LRRTM3: variants seen among roughly 807,000 people sequenced by gnomAD.
LRRTM3 encodes leucine rich repeat transmembrane neuronal 3.
Under a neutral mutation model 44.7 loss-of-function variants are expected in LRRTM3, and 24 were observed. The observed-to-expected ratio is 0.54, with a 90% CI of 0.39 to 0.76. The LOEUF (loss-of-function observed/expected upper bound fraction) is 0.76. Ranked by LOEUF, LRRTM3 falls within the 30% of genes least tolerant of loss-of-function variation. The probability of loss-of-function intolerance (pLI) is 0.00; values close to 1 mark genes in which losing one functional copy is unlikely to be tolerated. For synonymous variants in LRRTM3, 277 were observed against 278.7 expected (o/e 0.99, Z 0.06); for missense variants, 587 against 702.2 (o/e 0.84, Z 1.85).
At chr10:67,094,471 A>G (rs1857845288) in intron 2 of LRRTM3, among the ~76,000 whole-genome samples, 1 of 151,768 alleles carries the variant, frequency 6.6e-6, no homozygotes, top group African/African-American at 2.4e-5. Flanking sequence ...TAATTGGGGG[A>G]ACAGTGTATA....
intron 2 of LRRTM3, among the ~76,000 whole-genome samples, chr10:67,025,575 A>G (rs1301838619): frequency 6.6e-6 from 1 of 152,204 alleles, no homozygotes; most frequent in Non-Finnish European, 1.5e-5. Flanking sequence ...GTTACTGAGA[A>G]TAGCTCGGTT....
intron 2 of LRRTM3, among the ~76,000 whole-genome samples, chr10:66,979,353 T>C (rs947261685): frequency 3.3e-5 from 5 of 152,174 alleles, no homozygotes; most frequent in African/African-American, 1.2e-4. Context: ...TAGTATTCAA[T>C]TGAGTTTTAA....
chr10:66,980,595 G>C (rs892133878), intron 2 of LRRTM3, among the ~76,000 whole-genome samples: 3 of 147,972 alleles, frequency 2.0e-5, no homozygotes, highest in African/African-American at 7.5e-5. Flanking sequence ...AGCCAAATGA[G>C]TAGCAACGTG....
At chr10:66,928,905 G>A (rs1051514340) in intron 2 of LRRTM3, among the ~76,000 whole-genome samples, 24 of 152,134 alleles carry the variant, frequency 1.6e-4, no homozygotes, top group Non-Finnish European at 2.8e-4. Context: ...GCTGATTCTT[G>A]GAGATGACTC....
In LRRTM3 at chr10:67,099,233, G is replaced by C. The variant is rs1490366345; in HGVS notation, c.*1437G>C. The C allele has an allele frequency of 1.3e-5, 2 of 151,622 alleles. No individual in the cohort carries two copies. The highest frequency in any genetic ancestry group is 2.4e-5 in the African/African-American group (1 of 41,340). 9.4% of individuals were successfully genotyped at this position (151,622 alleles called of 1,614,324 possible). A position where few individuals can be genotyped will look rare whatever the true frequency, so the allele number is the denominator to read the frequency against. ...ATTAAGAAAACCTGAGTCTTTAGAAGCTGAAATAATCAACTTGTTTGTGCT... is the reference window on the plus strand; with the variant it reads ...ATTAAGAAAACCTGAGTCTTTAGAACCTGAAATAATCAACTTGTTTGTGCT... On this transcript the variant is annotated 3_prime_UTR_variant, in exon 3 of 3. Coordinates refer to ENST00000361320, the MANE Select transcript of LRRTM3 (RefSeq NM_178011.5).
chr10:66,937,365 A>C (rs1250139696), intron 2 of LRRTM3, among the ~76,000 whole-genome samples: 3 of 152,204 alleles, frequency 2.0e-5, no homozygotes, highest in African/African-American at 7.2e-5. Flanking sequence ...TCTAATACTC[A>C]TAAAGATCCT....
chr10:66,968,859 C>A (rs1925559), intron 2 of LRRTM3, among the ~76,000 whole-genome samples: 141,991 of 151,852 alleles, frequency 0.94, 66,916 homozygotes, highest in East Asian at 1. Context: ...TCTACCAAAA[C>A]TACAAAAATT....
intron 2 of LRRTM3, among the ~76,000 whole-genome samples, chr10:66,992,449 T>C (rs1851092382): frequency 6.6e-6 from 1 of 152,056 alleles, no homozygotes; most frequent in South Asian, 2.1e-4. Context: ...TCCTAGGAGT[T>C]CTTAGTATTA....
intron 2 of LRRTM3, among the ~76,000 whole-genome samples, chr10:67,071,450 T>C (rs971853318): frequency 6.6e-6 from 1 of 152,006 alleles, no homozygotes; most frequent in Non-Finnish European, 1.5e-5. Flanking sequence ...TCATTTATCT[T>C]CTCACTTCTT....
At chr10:66,987,375 T>C (rs144919955) in intron 2 of LRRTM3, among the ~76,000 whole-genome samples, 1 of 152,264 alleles carries the variant, frequency 6.6e-6, no homozygotes, top group East Asian at 1.9e-4. Flanking sequence ...GGACTTATAT[T>C]TGAAGGTAGA....
chr10:67,052,139 T>C (rs576390645), intron 2 of LRRTM3, among the ~76,000 whole-genome samples: 55 of 152,292 alleles, frequency 3.6e-4, no homozygotes, highest in African/African-American at 1.3e-3. Context: ...CTTACCTAGT[T>C]ACAAGCATTG....
At position 67,101,067 on chromosome 10, in the gene LRRTM3, C is replaced by A. The variant is rs914881970; in HGVS notation, c.*3271C>A. On this transcript the variant is annotated 3_prime_UTR_variant, in exon 3 of 3. Transcript: ENST00000361320. ...AATTATTTCTGTGTTCTACTCTGGG[C>A]TCTCACATTAAAACTCTGTTCAAAA... 6.6e-6 allele frequency among the ~76,000 whole-genome samples: 1 copy of A among 151,744 alleles called. No individual in the cohort carries two copies. The highest frequency in any genetic ancestry group is 2.1e-4 in the South Asian group (1 of 4,830).
intron 2 of LRRTM3, among the ~76,000 whole-genome samples, chr10:66,965,141 C>G (rs1341972745): frequency 6.6e-6 from 1 of 152,134 alleles, no homozygotes; most frequent in East Asian, 1.9e-4. Context: ...GCCAAAAAGA[C>G]AGCTGGGAGC....
At chr10:67,022,343 G>A (rs1853073061) in intron 2 of LRRTM3, among the ~76,000 whole-genome samples, 1 of 152,130 alleles carries the variant, frequency 6.6e-6, no homozygotes, top group Non-Finnish European at 1.5e-5. Context: ...CTGTGTGTGT[G>A]TGTGTCTGTG....
intron 2 of LRRTM3, among the ~76,000 whole-genome samples, chr10:66,978,526 CAAAAAAAAAA>C (rs1170594360): frequency 4.7e-5 from 2 of 42,320 alleles, no homozygotes; most frequent in East Asian, 9.6e-4. Context: ...GACTCCATCT[CAAAAAAAAAA>C]AAAAAAAAAA....
chr10:67,059,530 G>A (rs1564862129), intron 2 of LRRTM3, among the ~76,000 whole-genome samples: 2 of 152,180 alleles, frequency 1.3e-5, no homozygotes, highest in Non-Finnish European at 1.5e-5. Flanking sequence ...TAATAAGGAT[G>A]ATATGTCGTC....
intron 2 of LRRTM3, among the ~76,000 whole-genome samples, chr10:66,940,788 A>C (rs184670617): frequency 5.2e-4 from 79 of 152,312 alleles, no homozygotes; most frequent in African/African-American, 1.8e-3. Flanking sequence ...GTTTAAACAA[A>C]AAAAAAAACT....
chr10:66,973,887 G>C (rs1270027136), intron 2 of LRRTM3, among the ~76,000 whole-genome samples: 1 of 152,160 alleles, frequency 6.6e-6, no homozygotes, highest in African/African-American at 2.4e-5. Context: ...CTCCCAAAGT[G>C]CTGGGATTAC....
At chr10:66,971,029 G>A (rs1849692766) in intron 2 of LRRTM3, among the ~76,000 whole-genome samples, 1 of 151,856 alleles carries the variant, frequency 6.6e-6, no homozygotes, top group African/African-American at 2.4e-5. Context: ...ATGAGTATTT[G>A]CATTATTTGC....
Sources: gnomAD v4.1 joint callset for allele counts (sites outside exome capture counted in the v4.1 genomes callset) on GRCh38, gnomAD v4.1.1 for gene constraint, MANE v1.5 for transcripts, NCBI Gene and HGNC (gene_info 2026-07-23, HGNC 2026-07-21) for gene names.